IGFALS: variants seen among roughly 807,000 people sequenced by gnomAD.
IGFALS encodes insulin like growth factor binding protein acid labile subunit, also known as insulin-like growth factor-binding protein complex acid labile subunit.
IGFALS carries 2 observed loss-of-function variants against 2.6 expected under a neutral mutation model. The observed-to-expected ratio is 0.77, with a 90% CI of 0.32 to 2.44. IGFALS has a LOEUF of 2.44. Among genes scored for constraint, IGFALS ranks in the 30% most tolerant of loss-of-function variants. The pLI, the probability that IGFALS is intolerant of heterozygous loss-of-function variation, is 0.11. For missense variants in IGFALS, 996 were observed against 848.7 expected (o/e 1.17, Z -2.16); for synonymous variants, 519 against 431.9 (o/e 1.20, Z -2.50).
Position 1,791,887 on chromosome 16 carries a change from G to A in IGFALS, c.531C>T (p.Leu177=), listed in dbSNP as rs1483860726. Reference sequence around the variant, plus strand: ...GGAGCACCGCCAGGCTATTCCAGCCGAGGTTGAGGTCCCAGAGGCTGCCGA... The same window carrying A: ...GGAGCACCGCCAGGCTATTCCAGCCAAGGTTGAGGTCCCAGAGGCTGCCGA... ...EGLGSLWDLN[L]GWNSLAVLPD... is the part of the protein sequence containing the mutation. The change falls in exon 2 of 2, where the codon CTC becomes CTT. Residue 177 remains leucine, a synonymous_variant. Transcript: ENST00000215539. The A allele has an allele frequency of 2.0e-5, 31 of 1,567,858 alleles. No individual in the cohort carries two copies. The highest frequency in any genetic ancestry group is 1.7e-4 in the Middle Eastern group (1 of 6,020).
In IGFALS at chr16:1,790,782, C is replaced by A. The variant is rs866554435; in HGVS notation, c.1636G>T (p.Ala546Ser). ...TTCTGCAGGGCGAAGTCCCGCAGCG[C>A]CTTGAGAGGGCAGCCACAGTCCCAG... Reference protein sequence around the residue: ...NPWDCGCPLKALRDFALQNPS... With the variant: ...NPWDCGCPLKSLRDFALQNPS... Residue 546 changes from alanine (A) to serine (S), a missense_variant, in exon 2 of 2, where the codon GCG (alanine) becomes TCG (serine). By Grantham distance (99) the Ala-to-Ser change is moderately conservative (BLOSUM62 1). Transcript: ENST00000215539. The A allele has an allele frequency of 4.4e-6, 7 of 1,580,148 alleles. No individual in the cohort carries two copies. In the Middle Eastern group the frequency reaches 8.3e-4, roughly 188 times the overall value.
Position 1,791,143 on chromosome 16 carries a change from A to G in IGFALS, c.1275T>C (p.Ile425=), listed in dbSNP as rs1213259099. The G allele has an allele frequency of 6.2e-7, 1 of 1,605,502 alleles. No homozygotes were observed. The highest frequency in any genetic ancestry group is 1.7e-5 in the Admixed American group (1 of 59,978). Residue 425 remains isoleucine (I), a synonymous_variant, in exon 2 of 2, where the codon ATT becomes ATC. Coordinates refer to ENST00000215539, the MANE Select transcript of IGFALS (RefSeq NM_004970.3). Reference sequence around the variant, plus strand: ...CCAGCCCCCACAGGCTCTGCTCCTCAATGCCCACGAGGCCGTTGTCCTTGA... The same window carrying G: ...CCAGCCCCCACAGGCTCTGCTCCTCGATGCCCACGAGGCCGTTGTCCTTGA... The part of the protein sequence containing the change: ...LFLKDNGLVG[I]EEQSLWGLAE...
rs755579432 is a variant in IGFALS at position 1,792,329 on chromosome 16, G to C, written c.89C>G (p.Pro30Arg). Residue 30 changes from proline to arginine, a missense_variant, in exon 2 of 2, where the codon CCC becomes CGC. Transcript: ENST00000215539. ...LGPRSLEGAD[P>R]GTPGEAEGPA... ...GCCCTCGGCTTCCCCCGGCGTTCCG[G>C]GGTCTGCTCCCTCCAGGCTGCGGGG... The C allele has an allele frequency of 6.3e-7, 1 of 1,594,982 alleles. No homozygotes were observed. The highest frequency in any genetic ancestry group is 1.3e-5 in the African/African-American group (1 of 74,814).
At position 1,792,421 on chromosome 16, in the gene IGFALS, G is replaced by A; in HGVS notation, c.17-20C>T. 6.5e-7 allele frequency: 1 copy of A among 1,534,798 alleles called. No homozygotes were observed. Among genetic ancestry groups the A allele is most frequent in the Non-Finnish European group, 8.7e-7 (1 of 1,146,806 alleles). ...GGCCTCCTGCGGGGGGAGAGGCTTG[G>A]GGAGGCGGCCCGAGGAGGGCTCTGC... On this transcript the variant is annotated intron_variant, in intron 1 of 1. Coordinates refer to ENST00000215539, the MANE Select transcript of IGFALS (RefSeq NM_004970.3).
chr16:1,793,489 G>A lies in IGFALS; in HGVS notation c.16+148C>T, dbSNP rs537486912. On this transcript the variant is annotated intron_variant, in intron 1 of 1. Coordinates refer to ENST00000215539, the MANE Select transcript of IGFALS (RefSeq NM_004970.3). Reference sequence around the variant, plus strand: ...TGCCAACCCCAGCAGCCGCATTTCCGACTGTGGGCTCCCCAGAGTCCCCCG... The same window carrying A: ...TGCCAACCCCAGCAGCCGCATTTCCAACTGTGGGCTCCCCAGAGTCCCCCG... 3.6e-5 allele frequency: 24 copies of A among 658,236 alleles called. 1 individual carries two copies. The South Asian group carries it at 5.0e-4, about 14-fold the overall frequency. 40.8% of individuals were successfully genotyped at this position (658,236 alleles called of 1,614,324 possible).
chr16:1,793,704 G>A lies in IGFALS; in HGVS notation c.-52C>T, dbSNP rs1897281478. Reference sequence around the variant, plus strand: ...GGCAGCGAGGGAGGGTACGTCTGCTGTGCCGGCCACCCCTGCCCTCTGGAT... The same window carrying A: ...GGCAGCGAGGGAGGGTACGTCTGCTATGCCGGCCACCCCTGCCCTCTGGAT... On this transcript the variant is annotated 5_prime_UTR_variant, in exon 1 of 2. Coordinates refer to ENST00000215539, the MANE Select transcript of IGFALS (RefSeq NM_004970.3). 1 of 1,545,748 alleles carries A rather than the reference G, an allele frequency of 6.5e-7. No homozygotes were observed. Among genetic ancestry groups the A allele is most frequent in the African/African-American group, 1.4e-5 (1 of 73,476 alleles).
chr16:1,792,250 G>A lies in IGFALS; in HGVS notation c.168C>T (p.Leu56=), dbSNP rs1897248739. 1.9e-6 allele frequency: 3 copies of A among 1,603,200 alleles called. No individual in the cohort carries two copies. The East Asian group carries it at 6.7e-5, about 36-fold the overall frequency. ...GGTTCCTGGAGCTGCAGAAGACGCT[G>A]AGCTCATCCGCGTCGTCATCGTAGC... is the stretch of plus-strand genomic sequence containing the variant. ...VCSYDDDADE[L]SVFCSSRNLT... is the part of the protein sequence containing the mutation. The change falls in exon 2 of 2, where the codon CTC becomes CTT. Residue 56 remains leucine (L), a synonymous_variant. Coordinates refer to ENST00000215539, the MANE Select transcript of IGFALS (RefSeq NM_004970.3).
At position 1,791,727 on chromosome 16, in the gene IGFALS, G is replaced by A. The variant is rs908674331; in HGVS notation, c.691C>T (p.Arg231Trp). Residue 231 changes from arginine to tryptophan, a missense_variant, in exon 2 of 2, where the codon CGG (arginine) becomes TGG (tryptophan). Coordinates refer to ENST00000215539, the MANE Select transcript of IGFALS (RefSeq NM_004970.3). Reference sequence around the variant, plus strand: ...ACGAACACGTTTGCCTTGATGGCCCGCAGCGCGTTCCTGCTCAGGTCCAGC... The same window carrying A: ...ACGAACACGTTTGCCTTGATGGCCCACAGCGCGTTCCTGCTCAGGTCCAGC... ...RELDLSRNAL[R>W]AIKANVFVQL... 1.2e-5 allele frequency: 19 copies of A among 1,557,122 alleles called. No homozygotes were observed. The highest frequency in any genetic ancestry group is 5.4e-5 in the African/African-American group (4 of 73,532).
At position 1,791,285 on chromosome 16, in the gene IGFALS, G is replaced by A. The variant is rs202131276; in HGVS notation, c.1133C>T (p.Pro378Leu). The A allele has an allele frequency of 1.7e-5, 28 of 1,608,978 alleles. No individual in the cohort carries two copies. The highest frequency in any genetic ancestry group is 7.7e-5 in the South Asian group (7 of 91,096). Residue 378 changes from proline to leucine, a missense_variant, in exon 2 of 2, where the codon CCG becomes CTG. Transcript: ENST00000215539. ...GCCCAGGCCCCGGAACACCTGCTCC[G>A]GAAGGTTCCGGAGACAGTTCCCAGA... ...NLSGNCLRNL[P>L]EQVFRGLGKL...
Position 1,791,102 on chromosome 16 carries a change from A to T in IGFALS, c.1316T>A (p.Leu439His). The T allele has an allele frequency of 6.2e-7, 1 of 1,600,872 alleles. No individual in the cohort carries two copies. Among genetic ancestry groups the T allele is most frequent in the South Asian group, 1.1e-5 (1 of 91,038 alleles). Residue 439 changes from leucine to histidine, a missense_variant, in exon 2 of 2, where the codon CTC becomes CAC. By Grantham distance (99) the Leu-to-His change is moderately conservative (BLOSUM62 -3). Coordinates refer to ENST00000215539, the MANE Select transcript of IGFALS (RefSeq NM_004970.3). ...CGTGAGCTGGTTGGAGGTCAGGTCG[A>T]GCTCCAGCAGCTCCGCCAGCCCCCA... ...SLWGLAELLE[L>H]DLTSNQLTHL...
chr16:1,793,562 G>A (rs374854104), intron 1 of IGFALS, 75 bp downstream of exon 1: 43 of 1,452,016 alleles, frequency 3.0e-5, no homozygotes, highest in East Asian at 1.7e-4. Context: ...GGGCTACCCC[G>A]GCCTCTCCCC....
rs766102791 is a variant in IGFALS, at chr16:1,791,275, C to A, written c.1143G>T (p.Val381=). ...GNCLRNLPEQ[V]FRGLGKLHSL... The stretch of plus-strand genomic sequence containing the variant: ...TGTGCAGCTTGCCCAGGCCCCGGAA[C>A]ACCTGCTCCGGAAGGTTCCGGAGAC... The change falls in exon 2 of 2, where the codon GTG becomes GTT. Residue 381 remains valine, a synonymous_variant. Transcript: ENST00000215539. The A allele has an allele frequency of 6.2e-7, 1 of 1,609,348 alleles. No homozygotes were observed.
chr16:1,790,526 C>T lies in IGFALS; in HGVS notation c.*74G>A. ...AGTGCACTGGGCAGGCCCCTGAGGA[C>T]ACTGAGGACCTGTCCCCAGCACAAG... On this transcript the variant is annotated 3_prime_UTR_variant, in exon 2 of 2. Transcript: ENST00000215539. 1 of 1,293,428 alleles carries T rather than the reference C, an allele frequency of 7.7e-7. No individual in the cohort carries two copies. The highest frequency in any genetic ancestry group is 1.1e-6 in the Non-Finnish European group (1 of 918,334). The allele number at this position is 1,293,428 out of a possible 1,614,324, so 80.1% of individuals were successfully genotyped here. A position where few individuals can be genotyped will look rare whatever the true frequency, so the allele number is the denominator to read the frequency against.
upstream of IGFALS, chr16:1,793,909 G>A (rs922996065): frequency 2.4e-6 from 1 of 418,642 alleles, no homozygotes; most frequent in Non-Finnish European, 4.3e-6. Flanking sequence ...GGCCCTGGGG[G>A]CTGACGGCCA....
At chr16:1,794,030 C>T (rs1346896212), upstream of IGFALS, among the ~76,000 whole-genome samples, 1 of 152,110 alleles carries the variant, frequency 6.6e-6, no homozygotes, top group Non-Finnish European at 1.5e-5. Context: ...GTTTGGGGAG[C>T]CCAGGGTTTT....
upstream of IGFALS, among the ~76,000 whole-genome samples, chr16:1,794,598 C>T (rs1439908592): frequency 6.6e-6 from 1 of 152,160 alleles, no homozygotes; most frequent in Admixed American, 6.5e-5. Flanking sequence ...TTCCCCTCCA[C>T]CTGCTCAAAC....
rs767089671 is a variant in IGFALS at position 1,791,189 on chromosome 16, G to C, written c.1229C>G (p.Ser410Trp). The C allele has an allele frequency of 1.2e-6, 2 of 1,607,476 alleles. No individual in the cohort carries two copies. The highest frequency in any genetic ancestry group is 1.7e-5 in the Admixed American group (1 of 59,984). The change falls in exon 2 of 2, where the codon TCG becomes TGG. Residue 410 changes from serine (S) to tryptophan (W), a missense_variant. Ser to Trp is a radical substitution (Grantham distance 177). Coordinates refer to ENST00000215539, the MANE Select transcript of IGFALS (RefSeq NM_004970.3). The part of the protein sequence containing the change: ...RIRPHTFTGL[S>W]GLRRLFLKDN... ...CTTGAGGAAGAGTCGGCGGAGCCCC[G>C]AGAGGCCGGTGAAGGTGTGCGGGCG...
At chr16:1,793,521 C>G in intron 1 of IGFALS, 116 bp downstream of exon 1, 1 of 974,824 alleles carries the variant, frequency 1.0e-6, no homozygotes, top group East Asian at 2.8e-5. Flanking sequence ...CCCGCAGACC[C>G]CCAGAGCTGA....
At chr16:1,793,734 C>G (rs1271048990), upstream of IGFALS, 2 of 1,428,574 alleles carry the variant, frequency 1.4e-6, no homozygotes, top group African/African-American at 2.8e-5. Context: ...CTGGATTTCC[C>G]CACTGCGGGG....
Sources: allele counts gnomAD v4.1 joint callset (sites outside exome capture counted in the v4.1 genomes callset), GRCh38; gene constraint gnomAD v4.1.1; transcripts MANE v1.5; gene names NCBI Gene and HGNC (gene_info 2026-07-23, HGNC 2026-07-21).